ANKS1B: variants seen among roughly 807,000 people sequenced by gnomAD.
ANKS1B encodes the protein ankyrin repeat and sterile alpha motif domain-containing protein 1B.
Under a neutral mutation model 148.3 loss-of-function variants are expected in ANKS1B, and 36 were observed. The observed-to-expected ratio is 0.24, with a 90% confidence interval of 0.19 to 0.32. The LOEUF (loss-of-function observed/expected upper bound fraction) is 0.32, where lower values mean the gene tolerates loss of function less well. ANKS1B is among the 10% of genes least tolerant of loss of function. The pLI is 1.00. For missense variants in ANKS1B, 1,157 were observed against 1,542.6 expected (o/e 0.75, Z 4.19); for synonymous variants, 542 against 560.8 (o/e 0.97, Z 0.47).
At chr12:98,881,743 A>T (rs1396685380) in intron 17 of ANKS1B, among the ~76,000 whole-genome samples, 2 of 152,162 alleles carry the variant, frequency 1.3e-5, no homozygotes, top group Non-Finnish European at 2.9e-5. Flanking sequence ...GCCATATTCA[A>T]CACTTTTTCC....
chr12:98,805,587 C>T (rs1409897826), intron 20 of ANKS1B, among the ~76,000 whole-genome samples: 1 of 152,128 alleles, frequency 6.6e-6, no homozygotes, highest in African/African-American at 2.4e-5. Context: ...CTGAAAAATA[C>T]AAAAGCATCA....
chr12:99,001,247 G>A (rs1049736603), intron 17 of ANKS1B, among the ~76,000 whole-genome samples: 12 of 151,884 alleles, frequency 7.9e-5, no homozygotes, highest in African/African-American at 2.9e-4. Context: ...ATCTTCCCAC[G>A]TCAGTCTCCT....
intron 10 of ANKS1B, among the ~76,000 whole-genome samples, chr12:99,497,707 A>G (rs1241868973): frequency 6.6e-6 from 1 of 150,900 alleles, no homozygotes; most frequent in African/African-American, 2.4e-5. Context: ...CCCAAATAAG[A>G]TCATATTCTA....
chr12:99,640,751 G>A (rs1327204131), intron 9 of ANKS1B, among the ~76,000 whole-genome samples: 1 of 152,186 alleles, frequency 6.6e-6, no homozygotes, highest in Non-Finnish European at 1.5e-5. Flanking sequence ...GTAGGTAGAT[G>A]GATGGATGAA....
chr12:99,743,495 C>T (rs2060308508), intron 8 of ANKS1B, among the ~76,000 whole-genome samples: 1 of 152,102 alleles, frequency 6.6e-6, no homozygotes, highest in African/African-American at 2.4e-5. Context: ...ATGAAATCTA[C>T]AACATAACGT....
intron 9 of ANKS1B, among the ~76,000 whole-genome samples, chr12:99,534,631 T>A (rs2097043296): frequency 6.6e-6 from 1 of 152,080 alleles, no homozygotes; most frequent in Non-Finnish European, 1.5e-5. Flanking sequence ...GAATTACACA[T>A]TAGGAAAGTA....
At chr12:99,613,462 CAATG>C (rs1027934232) in intron 9 of ANKS1B, among the ~76,000 whole-genome samples, 2 of 151,958 alleles carry the variant, frequency 1.3e-5, no homozygotes, top group Admixed American at 1.3e-4. Context: ...AAATGCCCAT[CAATG>C]ATACAATGGA....
At chr12:99,832,705 C>G (rs934604598) in intron 1 of ANKS1B, among the ~76,000 whole-genome samples, 1 of 147,924 alleles carries the variant, frequency 6.8e-6, no homozygotes, top group Non-Finnish European at 1.5e-5. Context: ...GCCTGGATGA[C>G]AGAGAGAGAC....
chr12:99,541,671 A>G (rs2097127353), intron 9 of ANKS1B, among the ~76,000 whole-genome samples: 2 of 152,040 alleles, frequency 1.3e-5, no homozygotes, highest in Non-Finnish European at 2.9e-5. Flanking sequence ...CCTGGCCAAC[A>G]TGGTGAAACC....
At chr12:99,257,077 T>C (rs2075349853) in intron 12 of ANKS1B, among the ~76,000 whole-genome samples, 1 of 152,140 alleles carries the variant, frequency 6.6e-6, no homozygotes, top group South Asian at 2.1e-4. Context: ...ACCCGGTCTC[T>C]ACTAAAAATA....
chr12:99,504,473 T>TACC lies in ANKS1B; in HGVS notation c.1438_1438+2dup. The TACC allele has an allele frequency of 6.2e-7, 1 of 1,611,570 alleles. No homozygotes were observed. ...CAGGCCAATTGTGAGTAAGAGATATTACCAGTTCTTGGGGAAGGTGCCCTT... is the reference window on the plus strand; with the variant it reads ...CAGGCCAATTGTGAGTAAGAGATATTACCACCAGTTCTTGGGGAAGGTGCCCTT... On this transcript the variant is annotated splice_region_variant and intron_variant, in intron 10 of 26. Coordinates refer to ENST00000683438, the MANE Select transcript of ANKS1B (RefSeq NM_001352186.2).
At chr12:99,259,974 G>A (rs2075750514) in intron 12 of ANKS1B, among the ~76,000 whole-genome samples, 1 of 152,162 alleles carries the variant, frequency 6.6e-6, no homozygotes, top group African/African-American at 2.4e-5. Context: ...GAACCAAGAG[G>A]TTTTGTTTCT....
intron 9 of ANKS1B, chr12:99,649,671 G>A (rs556294349): frequency 2.5e-4 from 92 of 361,978 alleles, no homozygotes; most frequent in African/African-American, 1.8e-3. Flanking sequence ...TTATAGCAAG[G>A]GCTGCATGCA....
rs547246236 is a variant in ANKS1B, at chr12:98,760,141, T to C, written c.3580-8619A>G. ...ATCACTGCGTATTGAGACTGGATGA[T>C]TTCTATTTTTGTATTTTGGAACTTT... On this transcript the variant is annotated intron_variant, in intron 25 of 26. Transcript: ENST00000683438. Among the ~76,000 whole-genome samples, 4 of 152,336 alleles carry C rather than the reference T, an allele frequency of 2.6e-5. No homozygotes were observed. In the South Asian group the frequency reaches 6.2e-4, roughly 24 times the overall value.
intron 8 of ANKS1B, among the ~76,000 whole-genome samples, chr12:99,665,800 CTG>C (rs1050708667): frequency 6.6e-6 from 1 of 152,122 alleles, no homozygotes; most frequent in African/African-American, 2.4e-5. Context: ...CTTCTTATTG[CTG>C]TGTTGTAAGA....
At chr12:99,022,255 T>G (rs2099946234) in intron 17 of ANKS1B, among the ~76,000 whole-genome samples, 1 of 152,076 alleles carries the variant, frequency 6.6e-6, no homozygotes, top group Non-Finnish European at 1.5e-5. Flanking sequence ...CTTCATTGTG[T>G]TTTACCATTT....
Position 99,664,117 on chromosome 12 carries a change from CA to C in ANKS1B, c.1129-8908del, listed in dbSNP as rs939092195. 2.5e-4 allele frequency among the ~76,000 whole-genome samples: 37 copies of C among 145,186 alleles called. 1 individual carries two copies. Among genetic ancestry groups the C allele is most frequent in the African/African-American group, 8.6e-4 (34 of 39,704 alleles). On this transcript the variant is annotated intron_variant, in intron 8 of 26. Transcript: ENST00000683438. Reference sequence around the variant, plus strand: ...ATGCACAATACGCAGAAGCTAATTTCAAAAAAAAATGTTAAAGTCACCTTAG... The same window carrying C: ...ATGCACAATACGCAGAAGCTAATTTCAAAAAAAATGTTAAAGTCACCTTAG...
chr12:99,783,733 C>T (rs2064639479), intron 4 of ANKS1B, among the ~76,000 whole-genome samples: 1 of 151,838 alleles, frequency 6.6e-6, no homozygotes, highest in African/African-American at 2.4e-5. Context: ...GGCAGGGGAG[C>T]AGGGAGAGGA....
At chr12:99,280,264 C>T (rs191522596) in intron 12 of ANKS1B, among the ~76,000 whole-genome samples, 58 of 151,952 alleles carry the variant, frequency 3.8e-4, no homozygotes, top group Middle Eastern at 3.4e-3. Flanking sequence ...ACACTAACAT[C>T]GAGGAATGCT....
Sources: gnomAD v4.1 joint callset for allele counts (sites outside exome capture counted in the v4.1 genomes callset) on GRCh38, gnomAD v4.1.1 for gene constraint, MANE v1.5 for transcripts, NCBI Gene and HGNC (gene_info 2026-07-23, HGNC 2026-07-21) for gene names.